Variants in NPAT observed in about 807,000 individuals in gnomAD.
NPAT encodes nuclear protein, coactivator of histone transcription.
In NPAT, 52 loss-of-function variants were observed where a neutral mutation model predicts 130.7. The ratio of observed to expected loss-of-function variants is 0.40; its 90% confidence interval spans 0.32 to 0.50. NPAT has a LOEUF of 0.50. Ranked by LOEUF, NPAT falls within the 20% of genes least tolerant of loss-of-function variation. NPAT has a pLI of 0.68. For missense variants in NPAT, 1,687 were observed against 1,662.6 expected (o/e 1.01, Z -0.26); for synonymous variants, 580 against 584.8 (o/e 0.99, Z 0.12).
intron 1 of NPAT, among the ~76,000 whole-genome samples, chr11:108,208,747 A>G (rs2078354277): frequency 6.6e-6 from 1 of 152,174 alleles, no homozygotes; most frequent in Non-Finnish European, 1.5e-5. Context: ...TAATACATAG[A>G]ACAACTAGGC....
chr11:108,199,704 GT>G (rs1156600939), intron 1 of NPAT, among the ~76,000 whole-genome samples: 1 of 152,184 alleles, frequency 6.6e-6, no homozygotes, highest in Admixed American at 6.5e-5. Flanking sequence ...TGTTGGCTTT[GT>G]TTCAATCCAG....
At chr11:108,214,913 G>A (rs1353706091) in intron 1 of NPAT, among the ~76,000 whole-genome samples, 3 of 152,116 alleles carry the variant, frequency 2.0e-5, no homozygotes, top group African/African-American at 4.8e-5. Flanking sequence ...GATTACACGC[G>A]TGAGCCACTG....
At chr11:108,176,181 G>T in intron 12 of NPAT, 65 bp downstream of exon 12, 1 of 1,194,752 alleles carries the variant, frequency 8.4e-7, no homozygotes, top group Non-Finnish European at 1.2e-6. Context: ...AATATTTTCT[G>T]CCTTTGAATT....
At chr11:108,216,027 C>A (rs868012188) in intron 1 of NPAT, among the ~76,000 whole-genome samples, 3 of 152,198 alleles carry the variant, frequency 2.0e-5, no homozygotes, top group South Asian at 4.1e-4. Context: ...GCTTTCCGAC[C>A]GTTATAATAT....
chr11:108,185,633 C>T (rs1193327776), intron 8 of NPAT, 139 bp from the exon 9 acceptor site: 2 of 677,338 alleles, frequency 3.0e-6, no homozygotes, highest in African/African-American at 1.8e-5. Flanking sequence ...TGATGGCTCC[C>T]TCCATATTAA....
chr11:108,164,570 G>A (rs554112926), intron 15 of NPAT, among the ~76,000 whole-genome samples: 2 of 152,342 alleles, frequency 1.3e-5, no homozygotes, highest in Admixed American at 1.3e-4. Context: ...ATCACTGGTT[G>A]AAGAGGAATT....
At chr11:108,184,181 T>A (rs1170308924) in intron 10 of NPAT, among the ~76,000 whole-genome samples, 2 of 152,124 alleles carry the variant, frequency 1.3e-5, no homozygotes, top group Non-Finnish European at 2.9e-5. Flanking sequence ...AAGGTCTTGC[T>A]CATTTTATTG....
Position 108,193,971 on chromosome 11 carries a change from G to T in NPAT, c.203C>A (p.Ala68Asp). 6.4e-7 allele frequency: 1 copy of T among 1,572,956 alleles called. No homozygotes were observed. Among genetic ancestry groups the T allele is most frequent in the Non-Finnish European group, 8.7e-7 (1 of 1,143,430 alleles). The change falls in exon 3 of 18, where the codon GCT becomes GAT. Residue 68 changes from alanine (A) to aspartate (D), a missense_variant. Physicochemically the swap from Ala to Asp is moderately radical, Grantham distance 126 (BLOSUM62 -2). Around this residue, in one of 3 missense-constraint regions of NPAT, gnomAD observed 307 missense variants for 298.9 expected, o/e 1.03. Coordinates refer to ENST00000278612, the MANE Select transcript of NPAT (RefSeq NM_002519.3). Reference sequence around the variant, plus strand: ...AGAACTCTTACCTTTTGTTTTCATAGCTACATACTCATTTAAAATTGTTGT... The same window carrying T: ...AGAACTCTTACCTTTTGTTTTCATATCTACATACTCATTTAAAATTGTTGT... ...NLTTILNEYV[A>D]MKTKETSNNV...
intron 1 of NPAT, among the ~76,000 whole-genome samples, chr11:108,221,619 T>C (rs1237091128): frequency 6.6e-6 from 1 of 152,208 alleles, no homozygotes; most frequent in Non-Finnish European, 1.5e-5. Context: ...GTAATGGCTG[T>C]GAATACTATG....
At chr11:108,203,961 T>C (rs2078299075) in intron 1 of NPAT, among the ~76,000 whole-genome samples, 1 of 152,220 alleles carries the variant, frequency 6.6e-6, no homozygotes, top group Non-Finnish European at 1.5e-5. Context: ...TTAGAGATCA[T>C]TAAACTCCAT....
Position 108,220,660 on chromosome 11 carries a change from C to T in NPAT, c.37+1840G>A, listed in dbSNP as rs117620299. 2.5e-3 allele frequency among the ~76,000 whole-genome samples: 373 copies of T among 152,172 alleles called. 2 individuals carry two copies. In the East Asian group the frequency reaches 0.041, roughly 17 times the overall value. ...AAACCTCATATGAGAAAGATATACA[C>T]GATATGTATCTATTTAAGATGTAAA... is the stretch of plus-strand genomic sequence containing the variant. On this transcript the variant is annotated intron_variant, in intron 1 of 17. Transcript: ENST00000278612.
chr11:108,205,026 A>G (rs564808332), intron 1 of NPAT, among the ~76,000 whole-genome samples: 32 of 152,344 alleles, frequency 2.1e-4, no homozygotes, highest in African/African-American at 7.7e-4. Context: ...TAAGTAGGAT[A>G]AACTAAAAGA....
intron 2 of NPAT, among the ~76,000 whole-genome samples, chr11:108,196,017 G>A (rs2078216228): frequency 6.6e-6 from 1 of 152,160 alleles, no homozygotes; most frequent in South Asian, 2.1e-4. Flanking sequence ...TATAGCCCAT[G>A]CTTTTGGTGT....
At chr11:108,219,767 T>C (rs1034994264) in intron 1 of NPAT, among the ~76,000 whole-genome samples, 3 of 152,206 alleles carry the variant, frequency 2.0e-5, no homozygotes, top group African/African-American at 4.8e-5. Flanking sequence ...AACAAACTCA[T>C]TGTTTTGGGC....
At position 108,173,842 on chromosome 11, in the gene NPAT, G is replaced by T; in HGVS notation, c.1142C>A (p.Ser381Tyr). The change falls in exon 13 of 18, where the codon TCT (serine) becomes TAT (tyrosine). Residue 381 changes from serine to tyrosine, a missense_variant. By Grantham distance (144) the Ser-to-Tyr change is moderately radical (BLOSUM62 -2). Coordinates refer to ENST00000278612, the MANE Select transcript of NPAT (RefSeq NM_002519.3). Reference sequence around the variant, plus strand: ...GGATGTACAAAAAGCGGGCTGACCAGACTGACCATCTGCAAAGTATCAGGC... The same window carrying T: ...GGATGTACAAAAAGCGGGCTGACCATACTGACCATCTGCAAAGTATCAGGC... ...SFETEESDGQ[S>Y]GQPAFCTSYQ... 1 of 1,614,098 alleles carries T rather than the reference G, an allele frequency of 6.2e-7. No homozygotes were observed. The highest frequency in any genetic ancestry group is 8.5e-7 in the Non-Finnish European group (1 of 1,179,992).
chr11:108,168,379 TAAGA>T (rs1482555457), intron 15 of NPAT, among the ~76,000 whole-genome samples: 4 of 152,150 alleles, frequency 2.6e-5, no homozygotes, highest in African/African-American at 2.4e-5. Context: ...GAACTAGTTA[TAAGA>T]AAGAACATAA....
Position 108,158,804 on chromosome 11 carries a change from T to G in NPAT, c.*138A>C. On this transcript the variant is annotated 3_prime_UTR_variant, in exon 18 of 18. Coordinates refer to ENST00000278612, the MANE Select transcript of NPAT (RefSeq NM_002519.3). ...CTAGGAAGCTGTTTCAGAAACAGCA[T>G]GATTTAGATATAAAGTGAAGTTTCA... The G allele has an allele frequency of 3.2e-6, 2 of 616,942 alleles. No individual in the cohort carries two copies. The highest frequency in any genetic ancestry group is 1.8e-5 in the South Asian group (1 of 56,234). 38.2% of individuals were successfully genotyped at this position (616,942 alleles called of 1,614,324 possible).
At position 108,158,618 on chromosome 11, in the gene NPAT, G is replaced by T; in HGVS notation, c.*324C>A. 4.4e-6 allele frequency: 1 copy of T among 229,866 alleles called. No individual in the cohort carries two copies. 14.2% of individuals were successfully genotyped at this position (229,866 alleles called of 1,614,324 possible). ...ATCATAAGAAGTCAAAAAACACAGT[G>T]TAAGAACATTAGGTTGATTTAACCT... is the stretch of plus-strand genomic sequence containing the variant. On this transcript the variant is annotated 3_prime_UTR_variant, in exon 18 of 18. Transcript: ENST00000278612.
At position 108,189,885 on chromosome 11, in the gene NPAT, C is replaced by T. The variant is rs200414371; in HGVS notation, c.332-555G>A. 4.3e-3 allele frequency among the ~76,000 whole-genome samples: 617 copies of T among 142,590 alleles called. 6 individuals carry two copies. The South Asian group carries it at 0.048, about 11-fold the overall frequency. 93.5% of individuals were successfully genotyped at this position (142,590 alleles called of 152,430 possible). A position where few individuals can be genotyped will look rare whatever the true frequency, so the allele number is the denominator to read the frequency against. On this transcript the variant is annotated intron_variant, in intron 5 of 17. Coordinates refer to ENST00000278612, the MANE Select transcript of NPAT (RefSeq NM_002519.3). ...ACTCCGTCTCAAAAAAAAAAAAAAA[C>T]AAAAAACAAGAAACCTGAACTTATG...
Sources: allele counts gnomAD v4.1 joint callset (sites outside exome capture counted in the v4.1 genomes callset), GRCh38; gene constraint gnomAD v4.1.1; regional missense constraint gnomAD v4.1.1; transcripts MANE v1.5; gene names NCBI Gene and HGNC (gene_info 2026-07-23, HGNC 2026-07-21).